Variants in WDR72 observed in about 807,000 individuals in gnomAD.
WDR72 encodes WD repeat-containing protein 72.
WDR72 carries 120 observed loss-of-function variants against 124.2 expected under a neutral mutation model. The observed-to-expected ratio is 0.97, with a 90% CI of 0.83 to 1.12. WDR72 has a LOEUF of 1.12. Ranked by LOEUF, WDR72 falls within the 50% of genes most tolerant of loss-of-function variation. The pLI, the probability that WDR72 is intolerant of heterozygous loss-of-function variation, is 0.00. For missense variants in WDR72, 1,387 were observed against 1,278.8 expected, an observed-to-expected ratio of 1.08 and a Z score of -1.29; for synonymous variants, 452 against 441.7, an observed-to-expected ratio of 1.02 and a Z score of -0.29.
chr15:53,517,329 A>T lies in WDR72; in HGVS notation c.*370T>A, dbSNP rs960933915. The T allele has an allele frequency of 1.1e-5, 3 of 266,890 alleles. No homozygotes were observed. Among genetic ancestry groups the T allele is most frequent in the Non-Finnish European group, 2.2e-5 (3 of 136,436 alleles). The allele number at this position is 266,890 out of a possible 1,614,324, so 16.5% of individuals were successfully genotyped here. A position where few individuals can be genotyped will look rare whatever the true frequency, so the allele number is the denominator to read the frequency against. ...AGTATTGTGTACTACATTGGTTTTAACATTGTTTATTATATAATTCAGGGA... is the reference window on the plus strand; with the variant it reads ...AGTATTGTGTACTACATTGGTTTTATCATTGTTTATTATATAATTCAGGGA... On this transcript the variant is annotated 3_prime_UTR_variant, in exon 20 of 20. Transcript: ENST00000360509.
intron 18 of WDR72, among the ~76,000 whole-genome samples, chr15:53,539,713 T>G (rs990581268): frequency 6.6e-6 from 1 of 151,618 alleles, no homozygotes; most frequent in African/African-American, 2.4e-5. Context: ...AAGAGAGATT[T>G]TGAGGAAAAT....
At chr15:53,659,732 A>C (rs1288881284) in intron 14 of WDR72, among the ~76,000 whole-genome samples, 1 of 152,100 alleles carries the variant, frequency 6.6e-6, no homozygotes, top group East Asian at 1.9e-4. Flanking sequence ...ATATTACAGA[A>C]ATTTTTATTT....
intron 18 of WDR72, among the ~76,000 whole-genome samples, chr15:53,596,243 T>G (rs1229339142): frequency 6.6e-6 from 1 of 152,122 alleles, no homozygotes; most frequent in Non-Finnish European, 1.5e-5. Flanking sequence ...TTTAATCACA[T>G]GATAAATTAA....
At chr15:53,700,656 C>T (rs893371352) in intron 12 of WDR72, among the ~76,000 whole-genome samples, 2 of 152,076 alleles carry the variant, frequency 1.3e-5, no homozygotes, top group Non-Finnish European at 2.9e-5. Context: ...GTTTGGAGAC[C>T]TTGAGACACC....
intron 1 of WDR72, among the ~76,000 whole-genome samples, chr15:53,757,637 C>T (rs2018944512): frequency 7.2e-6 from 1 of 139,410 alleles, no homozygotes; most frequent in Non-Finnish European, 1.6e-5. Context: ...ACAACAACAA[C>T]AACAAAAAAT....
At chr15:53,531,471 G>A (rs935229244) in intron 18 of WDR72, among the ~76,000 whole-genome samples, 32 of 152,002 alleles carry the variant, frequency 2.1e-4, no homozygotes, top group African/African-American at 6.8e-4. Context: ...ACAGAAAGAT[G>A]CCTTCTCAAA....
At chr15:53,741,916 T>A (rs567098949) in intron 1 of WDR72, among the ~76,000 whole-genome samples, 1 of 152,198 alleles carries the variant, frequency 6.6e-6, no homozygotes, top group African/African-American at 2.4e-5. Context: ...TTAGTACAGA[T>A]CGGGTTTCAC....
chr15:53,584,701 C>G (rs142270565), intron 18 of WDR72, among the ~76,000 whole-genome samples: 1 of 151,938 alleles, frequency 6.6e-6, no homozygotes, highest in Admixed American at 6.6e-5. Flanking sequence ...CACAGCAGAA[C>G]CTTTTCATTC....
chr15:53,652,845 C>T (rs2015289391), intron 14 of WDR72, among the ~76,000 whole-genome samples: 1 of 152,138 alleles, frequency 6.6e-6, no homozygotes, highest in Admixed American at 6.5e-5. Context: ...CTATGCCCAC[C>T]TTACCCAAAG....
intron 9 of WDR72, 97 bp downstream of exon 9, chr15:53,710,760 C>T: frequency 1.0e-6 from 1 of 1,001,884 alleles, no homozygotes; most frequent in Non-Finnish European, 1.6e-6. Context: ...TGCTTCAATT[C>T]AATTTTTTCA....
At chr15:53,693,668 A>G (rs1359944785) in intron 13 of WDR72, among the ~76,000 whole-genome samples, 2 of 152,220 alleles carry the variant, frequency 1.3e-5, no homozygotes, top group Non-Finnish European at 2.9e-5. Flanking sequence ...AACTACTACT[A>G]TTTCTAATAA....
intron 14 of WDR72, among the ~76,000 whole-genome samples, chr15:53,639,599 A>C (rs937872259): frequency 3.4e-5 from 5 of 147,962 alleles, no homozygotes; most frequent in Non-Finnish European, 7.4e-5. Flanking sequence ...TATATAAAAT[A>C]AAAAAATTCT....
chr15:53,575,668 T>C (rs1207446881), intron 18 of WDR72, among the ~76,000 whole-genome samples: 1 of 152,128 alleles, frequency 6.6e-6, no homozygotes, highest in African/African-American at 2.4e-5. Context: ...GCCTGCATAG[T>C]TATTAGAAAG....
chr15:53,674,334 T>C (rs941414268), intron 13 of WDR72, among the ~76,000 whole-genome samples: 1 of 152,226 alleles, frequency 6.6e-6, no homozygotes, highest in African/African-American at 2.4e-5. Flanking sequence ...AATCAAAAAA[T>C]TTGACCATTG....
At chr15:53,638,181 A>C (rs955923628) in intron 14 of WDR72, among the ~76,000 whole-genome samples, 1 of 152,216 alleles carries the variant, frequency 6.6e-6, no homozygotes, top group Non-Finnish European at 1.5e-5. Context: ...AATAATTCCC[A>C]AGAAATGTGT....
At chr15:53,555,747 G>A (rs1261557366) in intron 18 of WDR72, among the ~76,000 whole-genome samples, 1 of 151,932 alleles carries the variant, frequency 6.6e-6, no homozygotes. Flanking sequence ...CTGGGTCAAT[G>A]GTTTGCCATT....
At chr15:53,533,971 C>T (rs1361441204) in intron 18 of WDR72, among the ~76,000 whole-genome samples, 1 of 152,112 alleles carries the variant, frequency 6.6e-6, no homozygotes, top group Non-Finnish European at 1.5e-5. Flanking sequence ...TCATTTCTGA[C>T]TACCCCACTG....
chr15:53,606,319 A>G lies in WDR72; in HGVS notation c.2952+3194T>C, dbSNP rs138094859. ...AAAAAATCTCACTTTTAATAGATAA[A>G]CCTTTTTAGGGTGACTGCTAATGTG... On this transcript the variant is annotated intron_variant, in intron 17 of 19. Coordinates refer to ENST00000360509, the MANE Select transcript of WDR72 (RefSeq NM_182758.4). 3.9e-3 allele frequency among the ~76,000 whole-genome samples: 597 copies of G among 152,250 alleles called. 2 individuals are homozygous for G. The highest frequency in any genetic ancestry group is 5.8e-3 in the Non-Finnish European group (396 of 68,014).
intron 13 of WDR72, among the ~76,000 whole-genome samples, chr15:53,697,679 T>C (rs1045614171): frequency 1.3e-5 from 2 of 152,234 alleles, no homozygotes; most frequent in Non-Finnish European, 2.9e-5. Context: ...TTGACCCATC[T>C]GGGTTGACTT....
Sources: allele counts gnomAD v4.1 joint callset (sites outside exome capture counted in the v4.1 genomes callset), GRCh38; gene constraint gnomAD v4.1.1; transcripts MANE v1.5; gene names NCBI Gene and HGNC (gene_info 2026-07-23, HGNC 2026-07-21).